PSD3: variants seen among roughly 807,000 people sequenced by gnomAD.
PSD3 encodes the protein pleckstrin and Sec7 domain containing 3.
In PSD3, 49 loss-of-function variants were observed where a neutral mutation model predicts 105.5. That is an observed-to-expected ratio of 0.46 (90% CI 0.37 to 0.59). The LOEUF (loss-of-function observed/expected upper bound fraction) is 0.59, where lower values mean the gene tolerates loss of function less well. PSD3 is among the 20% of genes least tolerant of loss of function. The probability of loss-of-function intolerance (pLI) is 0.00; values close to 1 mark genes in which losing one functional copy is unlikely to be tolerated. For synonymous variants in PSD3, 557 were observed against 457.8 expected (o/e 1.22, Z -2.77); for missense variants, 1,561 against 1,263.8 (o/e 1.24, Z -3.57).
chr8:18,553,106 A>G (rs1055546415), intron 15 of PSD3, among the ~76,000 whole-genome samples: 1 of 152,240 alleles, frequency 6.6e-6, no homozygotes, highest in Non-Finnish European at 1.5e-5. Context: ...TGGAATGCAT[A>G]CAATTAGTAA....
chr8:19,032,569 G>T (rs1451257896), intron 1 of PSD3, among the ~76,000 whole-genome samples: 1 of 150,470 alleles, frequency 6.6e-6, no homozygotes, highest in East Asian at 2.0e-4. Context: ...AGTATTGCTT[G>T]AGCTCGGGAG....
chr8:18,765,547 G>C lies in PSD3; in HGVS notation c.2083-9C>G. 1.9e-6 allele frequency: 3 copies of C among 1,562,396 alleles called. No individual in the cohort carries two copies. The highest frequency in any genetic ancestry group is 2.6e-6 in the Non-Finnish European group (3 of 1,133,244). ...ATCTTCTTTCCAATATTCTGAAACA[G>C]AGGCAAACAGTACATCACTATGACA... On this transcript the variant is annotated splice_polypyrimidine_tract_variant and intron_variant, in intron 8 of 15. Coordinates refer to ENST00000327040, the MANE Select transcript of PSD3 (RefSeq NM_015310.4).
chr8:18,878,516 C>G (rs1817881593), intron 2 of PSD3, among the ~76,000 whole-genome samples: 1 of 152,178 alleles, frequency 6.6e-6, no homozygotes, highest in Non-Finnish European at 1.5e-5. Context: ...TGTTCTAATC[C>G]TAATACACAC....
chr8:19,015,278 G>A (rs1185144137), upstream of PSD3, among the ~76,000 whole-genome samples: 4 of 152,126 alleles, frequency 2.6e-5, 1 homozygote, highest in Non-Finnish European at 5.9e-5. Flanking sequence ...CTTGCTTTAC[G>A]CCATGATTGT....
intron 9 of PSD3, among the ~76,000 whole-genome samples, chr8:18,764,459 T>C (rs984300836): frequency 2.6e-5 from 4 of 152,184 alleles, no homozygotes; most frequent in African/African-American, 9.6e-5. Flanking sequence ...TTTTTTTTCA[T>C]AATTTCTTGT....
Position 18,706,924 on chromosome 8 carries a change from AT to A in PSD3, c.2173-51240del, listed in dbSNP as rs573539514. ...TTTAAATTAATAAACTGGCATTTAA[AT>A]TTAATTTTTATAAGGGAATGAGGGA... On this transcript the variant is annotated intron_variant, in intron 9 of 15. Transcript: ENST00000327040. Among the ~76,000 whole-genome samples the A allele has an allele frequency of 1.7e-3, 261 of 152,306 alleles. 1 individual carries two copies. Among genetic ancestry groups the A allele is most frequent in the African/African-American group, 6.0e-3 (250 of 41,568 alleles).
At chr8:18,892,097 T>C (rs1194634132) in intron 2 of PSD3, among the ~76,000 whole-genome samples, 1 of 152,090 alleles carries the variant, frequency 6.6e-6, no homozygotes, top group Non-Finnish European at 1.5e-5. Context: ...CTCTTTTACA[T>C]TATTTGCACT....
intron 9 of PSD3, among the ~76,000 whole-genome samples, chr8:18,667,863 T>C (rs545496308): frequency 4.1e-4 from 63 of 152,238 alleles, no homozygotes; most frequent in South Asian, 6.2e-4. Flanking sequence ...AGAATCTGAG[T>C]GTAGCGCCGG....
intron 1 of PSD3, among the ~76,000 whole-genome samples, chr8:19,008,580 C>CA (rs1826807885): frequency 6.6e-6 from 1 of 152,096 alleles, no homozygotes; most frequent in Non-Finnish European, 1.5e-5. Context: ...AATCTACATT[C>CA]AAAAAAGCAT....
chr8:18,537,918 C>A (rs1799929200), intron 15 of PSD3, among the ~76,000 whole-genome samples: 1 of 152,208 alleles, frequency 6.6e-6, no homozygotes, highest in Non-Finnish European at 1.5e-5. Flanking sequence ...CTCAGGTGAT[C>A]CACCCGCCTC....
chr8:18,803,179 C>T (rs919765461), intron 6 of PSD3: 4 of 232,876 alleles, frequency 1.7e-5, no homozygotes, highest in South Asian at 4.2e-5. Context: ...CCCAGTTATT[C>T]GGGAGGCTGA....
intron 1 of PSD3, among the ~76,000 whole-genome samples, chr8:19,054,484 G>T (rs1828642042): frequency 6.6e-6 from 1 of 152,110 alleles, no homozygotes; most frequent in South Asian, 2.1e-4. Flanking sequence ...AAGGGAAGGA[G>T]AAAATGATAT....
intron 1 of PSD3, among the ~76,000 whole-genome samples, chr8:18,953,276 T>A (rs1823357608): frequency 6.6e-6 from 1 of 151,566 alleles, no homozygotes. Flanking sequence ...TGACGCGGCA[T>A]GTTCATATAT....
chr8:18,959,621 T>C (rs746711695), intron 1 of PSD3, among the ~76,000 whole-genome samples: 1 of 152,040 alleles, frequency 6.6e-6, no homozygotes, highest in Non-Finnish European at 1.5e-5. Context: ...CTGCCCACAC[T>C]CACATTCCAC....
intron 4 of PSD3, among the ~76,000 whole-genome samples, chr8:18,856,414 C>G (rs1170192606): frequency 6.6e-6 from 1 of 152,162 alleles, no homozygotes; most frequent in African/African-American, 2.4e-5. Flanking sequence ...CTCTGAGTCC[C>G]AAAACGTAGA....
intron 11 of PSD3, among the ~76,000 whole-genome samples, chr8:18,619,125 A>G (rs188512085): frequency 6.6e-6 from 1 of 152,228 alleles, no homozygotes; most frequent in East Asian, 1.9e-4. Flanking sequence ...GTGTAAACAA[A>G]TAAAAAATCC....
At chr8:18,812,216 CAG>C (rs1208550753) in intron 4 of PSD3, among the ~76,000 whole-genome samples, 2 of 152,164 alleles carry the variant, frequency 1.3e-5, no homozygotes, top group East Asian at 3.9e-4. Context: ...TGATGTTTGA[CAG>C]ATGATGAGGA....
chr8:18,973,278 G>A (rs892696235), intron 1 of PSD3, among the ~76,000 whole-genome samples: 1 of 152,156 alleles, frequency 6.6e-6, no homozygotes, highest in Non-Finnish European at 1.5e-5. Flanking sequence ...AAAAGAAAAG[G>A]GATCTAGATT....
chr8:18,627,188 T>A (rs113493521), intron 11 of PSD3, among the ~76,000 whole-genome samples: 2,662 of 152,082 alleles, frequency 0.018, 74 homozygotes, highest in African/African-American at 0.06. Context: ...AGAGTCTCGG[T>A]TCCAACAGTG....
Sources: allele counts gnomAD v4.1 joint callset (sites outside exome capture counted in the v4.1 genomes callset), GRCh38; gene constraint gnomAD v4.1.1; transcripts MANE v1.5; gene names NCBI Gene and HGNC (gene_info 2026-07-23, HGNC 2026-07-21).